Variants in TRPM2 observed in about 807,000 individuals in gnomAD.
The protein encoded by TRPM2 is estrogen-responsive element-associated gene 1 protein.
A neutral mutation model predicts 174.0 loss-of-function variants in TRPM2; 161 were observed. That is an observed-to-expected ratio of 0.93 (90% confidence interval 0.81 to 1.05). The LOEUF is 1.05. TRPM2 is among the 50% of genes least tolerant of loss of function. The probability of loss-of-function intolerance (pLI) is 0.00; values close to 1 mark genes in which losing one functional copy is unlikely to be tolerated. For synonymous variants in TRPM2, 954 were observed against 861.3 expected (o/e 1.11, Z -1.88); for missense variants, 2,057 against 2,038.0 (o/e 1.01, Z -0.18).
At chr21:44,435,057 TC>T in intron 27 of TRPM2, 73 bp from the exon 28 acceptor site, 1 of 1,478,194 alleles carries the variant, frequency 6.8e-7, no homozygotes, top group Admixed American at 1.8e-5. Flanking sequence ...CTGTCCCCTC[TC>T]AGTCCCCCTC....
At chr21:44,381,907 CAAAAAAA>C (rs751389057) in intron 8 of TRPM2, among the ~76,000 whole-genome samples, 1 of 66,892 alleles carries the variant, frequency 1.5e-5, no homozygotes, top group East Asian at 4.4e-4. Context: ...AAGTCTGTCT[CAAAAAAA>C]AAAAAAAAAG....
At chr21:44,381,462 A>G (rs1229374960) in intron 8 of TRPM2, among the ~76,000 whole-genome samples, 1 of 121,878 alleles carries the variant, frequency 8.2e-6, no homozygotes, top group Non-Finnish European at 1.6e-5. Context: ...GGCTGGATGG[A>G]AAGATGGATG....
At position 44,435,142 on chromosome 21, in the gene TRPM2, G is replaced by C. The variant is rs551942190; in HGVS notation, c.3986G>C (p.Gly1329Ala). ...CCTCTGCATCCCAGGAACCCCATGG[G>C]CCGCACAGGACTGCGTGGGCGCGGG... ...VQAGLPLNPM[G>A]RTGLRGRGSL... is the part of the protein sequence containing the mutation. The change falls in exon 28 of 32, where the codon GGC becomes GCC. Residue 1329 changes from glycine (G) to alanine (A), a missense_variant. Gly to Ala is a moderately conservative substitution (Grantham distance 60). Transcript: ENST00000397928. 1.1e-5 allele frequency: 18 copies of C among 1,612,896 alleles called. No homozygotes were observed. The highest frequency in any genetic ancestry group is 3.3e-5 in the Admixed American group (2 of 59,986).
At chr21:44,407,922 TAATA>T (rs1341041649) in intron 19 of TRPM2, among the ~76,000 whole-genome samples, 2 of 151,666 alleles carry the variant, frequency 1.3e-5, no homozygotes, top group African/African-American at 4.8e-5. Flanking sequence ...TTAAATTAAT[TAATA>T]TTTAATTTTT....
rs1164986587 is a variant in TRPM2 at position 44,410,452 on chromosome 21, C to T, written c.2963-3439C>T. 1.6e-4 allele frequency among the ~76,000 whole-genome samples: 12 copies of T among 73,542 alleles called. 1 individual carries two copies. The highest frequency in any genetic ancestry group is 2.8e-4 in the African/African-American group (7 of 25,032). 48.2% of individuals were successfully genotyped at this position (73,542 alleles called of 152,430 possible). A position where few individuals can be genotyped will look rare whatever the true frequency, so the allele number is the denominator to read the frequency against. ...GCATAGCCTTGTAGTAAGTTTTGAC[C>T]GCACTGTCTTGGTGAGCGTAGCCTT... On this transcript the variant is annotated intron_variant, in intron 19 of 31. Coordinates refer to ENST00000397928, the MANE Select transcript of TRPM2 (RefSeq NM_003307.4).
intron 14 of TRPM2, 42 bp from the exon 15 acceptor site, chr21:44,400,217 C>T (rs761402275): frequency 1.0e-5 from 16 of 1,558,492 alleles, no homozygotes; most frequent in Non-Finnish European, 1.3e-5. Context: ...ATCTGGGGCA[C>T]AGGGCTGGGC....
chr21:44,381,955 T>A, intron 8 of TRPM2, among the ~76,000 whole-genome samples: 1 of 19,184 alleles, frequency 5.2e-5, no homozygotes, highest in South Asian at 1.9e-3. Context: ...GATAGATGGA[T>A]AGATAGATAG....
intron 12 of TRPM2, among the ~76,000 whole-genome samples, chr21:44,396,563 A>G (rs372833140): frequency 6.5e-3 from 48 of 7,380 alleles, no homozygotes; most frequent in East Asian, 0.013. Context: ...GGAGGCTGTG[A>G]AGGGGTGTGG....
intron 18 of TRPM2, 83 bp from the exon 19 acceptor site, chr21:44,406,511 C>A: frequency 6.8e-7 from 1 of 1,468,730 alleles, no homozygotes; most frequent in Non-Finnish European, 9.1e-7. Context: ...GCAGTGCTGT[C>A]TCCACCGCTG....
intron 13 of TRPM2, among the ~76,000 whole-genome samples, chr21:44,398,446 C>T (rs2049503370): frequency 6.6e-6 from 1 of 152,108 alleles, no homozygotes; most frequent in Non-Finnish European, 1.5e-5. Flanking sequence ...GATGATCCGC[C>T]CACCTCGGCC....
intron 24 of TRPM2, chr21:44,425,219 AGT>A: frequency 6.7e-6 from 3 of 448,466 alleles, no homozygotes; most frequent in Non-Finnish European, 1.2e-5. Context: ...CGCACTGCAG[AGT>A]GGGGGTGCGA....
chr21:44,404,296 A>G (rs548263260), intron 16 of TRPM2, among the ~76,000 whole-genome samples: 173 of 151,404 alleles, frequency 1.1e-3, no homozygotes, highest in Non-Finnish European at 1.6e-3. Flanking sequence ...ACACATATAC[A>G]TGCACACATA....
intron 27 of TRPM2, among the ~76,000 whole-genome samples, chr21:44,430,877 C>T (rs903430499): frequency 6.9e-6 from 1 of 144,378 alleles, no homozygotes; most frequent in African/African-American, 2.6e-5. Context: ...TCACAGATGT[C>T]CATAATATTC....
At chr21:44,401,542 C>T (rs1334569498) in intron 15 of TRPM2, 139 bp from the exon 16 acceptor site, 5 of 819,860 alleles carry the variant, frequency 6.1e-6, no homozygotes, top group Non-Finnish European at 5.8e-6. Context: ...GCCGTTATGG[C>T]CCCGGATCCC....
chr21:44,397,041 A>G (rs891606930), intron 12 of TRPM2, among the ~76,000 whole-genome samples: 1 of 149,274 alleles, frequency 6.7e-6, no homozygotes, highest in African/African-American at 2.5e-5. Flanking sequence ...GCAGGAAAGG[A>G]ATTTTTTTTT....
At chr21:44,423,755 C>A in intron 23 of TRPM2, 23 bp downstream of exon 23, 2 of 1,578,948 alleles carry the variant, frequency 1.3e-6, no homozygotes, top group South Asian at 1.1e-5. Context: ...TCGGGGCCTC[C>A]GTCAGGAGGT....
At chr21:44,426,872 G>C (rs1482202568) in intron 26 of TRPM2, 136 bp downstream of exon 26, 13 of 1,345,242 alleles carry the variant, frequency 9.7e-6, no homozygotes, top group Non-Finnish European at 1.3e-5. Context: ...GGCCTGAAGG[G>C]GCCCAGCTCC....
intron 21 of TRPM2, 122 bp from the exon 22 acceptor site, chr21:44,418,301 G>C: frequency 1.4e-6 from 2 of 1,431,106 alleles, no homozygotes; most frequent in Non-Finnish European, 1.9e-6. Flanking sequence ...GCAGGTGTGC[G>C]ATGGGCTCTT....
intron 27 of TRPM2, among the ~76,000 whole-genome samples, chr21:44,434,008 G>T (rs2146406264): frequency 6.6e-6 from 1 of 152,320 alleles, no homozygotes; most frequent in East Asian, 1.9e-4. Context: ...GGCCTGGCTG[G>T]TGGCCGCCGG....
Sources: allele counts gnomAD v4.1 joint callset (sites outside exome capture counted in the v4.1 genomes callset), GRCh38; gene constraint gnomAD v4.1.1; transcripts MANE v1.5; gene names NCBI Gene and HGNC (gene_info 2026-07-23, HGNC 2026-07-21).